DYSF: variants seen among roughly 807,000 people sequenced by gnomAD.
DYSF encodes the protein dysferlin.
In DYSF, 212 loss-of-function variants were observed where a neutral mutation model predicts 274.9. The ratio of observed to expected loss-of-function variants is 0.77; its 90% CI spans 0.69 to 0.86. The LOEUF (loss-of-function observed/expected upper bound fraction) is 0.86. Ranked by LOEUF, DYSF falls within the 40% of genes least tolerant of loss-of-function variation. The probability of loss-of-function intolerance (pLI) is 0.00; values close to 1 mark genes in which losing one functional copy is unlikely to be tolerated. For synonymous variants in DYSF, 1,091 were observed against 1,078.7 expected (o/e 1.01, Z -0.22); for missense variants, 2,666 against 2,783.2 (o/e 0.96, Z 0.95).
At chr2:71,528,521 G>C in intron 14 of DYSF, 120 bp downstream of exon 14, 1 of 854,528 alleles carries the variant, frequency 1.2e-6, no homozygotes, top group Non-Finnish European at 1.9e-6. Flanking sequence ...TGCACAAGGA[G>C]TGGCTGATCC....
Position 71,556,017 on chromosome 2 carries a change from A to C in DYSF, c.2162A>C (p.Glu721Ala). The change falls in exon 22 of 56, where the codon GAG becomes GCG. Residue 721 changes from glutamate (E) to alanine (A), a missense_variant. Around this residue, in one of 3 missense-constraint regions of DYSF, gnomAD observed 412 missense variants for 504.0 expected, o/e 0.82. Coordinates refer to ENST00000410020, the MANE Select transcript of DYSF (RefSeq NM_001130987.2). ...HLALKAQCSTEDVDSLVAQLT... is the reference protein window; with the variant it reads ...HLALKAQCSTADVDSLVAQLT... The stretch of plus-strand genomic sequence containing the variant: ...GCCCTGAAGGCGCAGTGCTCCACGG[A>C]GGACGTGGACTCGCTGGTGGCTCAG... The C allele has an allele frequency of 6.3e-7, 1 of 1,579,036 alleles. No individual in the cohort carries two copies. Among genetic ancestry groups the C allele is most frequent in the Non-Finnish European group, 8.6e-7 (1 of 1,163,114 alleles).
chr2:71,526,310 T>C lies in DYSF; in HGVS notation c.1240T>C (p.Cys414Arg). ...TGVALRGAHFCLKVFRAEDLP... is the reference protein window; with the variant it reads ...TGVALRGAHFRLKVFRAEDLP... ...CGTAGCCCTGCGAGGAGCCCACTTC[T>C]GCCTGAAGGTCTTCCGGGCCGAGGA... Residue 414 changes from cysteine (C) to arginine (R), a missense_variant, in exon 13 of 56, where the codon TGC becomes CGC. Physicochemically the swap from Cys to Arg is radical, Grantham distance 180. Transcript: ENST00000410020. The C allele has an allele frequency of 3.1e-6, 5 of 1,607,528 alleles. No individual in the cohort carries two copies. The highest frequency in any genetic ancestry group is 4.3e-6 in the Non-Finnish European group (5 of 1,176,362).
chr2:71,518,756 C>G (rs1346534172), intron 10 of DYSF, among the ~76,000 whole-genome samples: 1 of 151,788 alleles, frequency 6.6e-6, no homozygotes, highest in Non-Finnish European at 1.5e-5. Context: ...TTGGTTCTGC[C>G]TGTTGTCAGA....
intron 12 of DYSF, among the ~76,000 whole-genome samples, 186 bp downstream of exon 12, chr2:71,521,090 A>G (rs2087218631): frequency 6.6e-6 from 1 of 152,246 alleles, no homozygotes; most frequent in Non-Finnish European, 1.5e-5. Flanking sequence ...CAAGGTATTA[A>G]TAAAAAATGA....
In DYSF at chr2:71,665,245, C is replaced by T. The variant is rs564971906; in HGVS notation, c.5258C>T (p.Pro1753Leu). ...TGCCAGCAGCATAGAGTCAAGGCAC[C>T]TGTGTACCGGACAGACCGTGTAATG... ...LFCQQHRVKA[P>L]VYRTDRVMFQ... Residue 1753 changes from proline to leucine, a missense_variant, in exon 47 of 56, where the codon CCT becomes CTT. This residue lies in a region of DYSF where 1,460 missense variants were observed against 1,502.1 expected (regional missense o/e 0.97). Coordinates refer to ENST00000410020, the MANE Select transcript of DYSF (RefSeq NM_001130987.2). 6 of 1,614,142 alleles carry T rather than the reference C, an allele frequency of 3.7e-6. No homozygotes were observed. The highest frequency in any genetic ancestry group is 3.3e-5 in the South Asian group (3 of 91,074).
chr2:71,589,506 C>T (rs2093185200), intron 30 of DYSF, 87 bp from the exon 31 acceptor site: 4 of 1,032,610 alleles, frequency 3.9e-6, no homozygotes, highest in Middle Eastern at 2.6e-4. Context: ...GATCTCCTGG[C>T]CCTGGGGATC....
intron 23 of DYSF, among the ~76,000 whole-genome samples, chr2:71,562,846 G>C (rs966686536): frequency 2.6e-5 from 4 of 152,220 alleles, no homozygotes; most frequent in Admixed American, 2.6e-4. Context: ...ACTCCTCACA[G>C]TGGCAGCAGA....
intron 42 of DYSF, among the ~76,000 whole-genome samples, chr2:71,653,734 A>G (rs945132410): frequency 2.6e-4 from 39 of 151,984 alleles, no homozygotes; most frequent in Non-Finnish European, 4.0e-4. Context: ...TGGGTGCAGC[A>G]CACCAACATG....
intron 42 of DYSF, among the ~76,000 whole-genome samples, chr2:71,649,094 A>T (rs989600467): frequency 1.4e-5 from 2 of 138,644 alleles, no homozygotes; most frequent in Admixed American, 8.3e-5. Flanking sequence ...CTATGATTGC[A>T]CCACTGCACT....
intron 52 of DYSF, among the ~76,000 whole-genome samples, chr2:71,674,675 C>G (rs916481824): frequency 5.3e-5 from 8 of 152,220 alleles, no homozygotes; most frequent in African/African-American, 1.7e-4. Flanking sequence ...CAGTCTTCAT[C>G]CTTGTGCCTG....
chr2:71,478,266 C>G (rs542669465), intron 1 of DYSF, among the ~76,000 whole-genome samples: 1 of 149,162 alleles, frequency 6.7e-6, no homozygotes, highest in Non-Finnish European at 1.5e-5. Flanking sequence ...GGCTGGAGTG[C>G]AGTGGTGCCA....
intron 40 of DYSF, among the ~76,000 whole-genome samples, chr2:71,614,923 G>T (rs182880402): frequency 6.5e-4 from 99 of 152,294 alleles, no homozygotes; most frequent in African/African-American, 2.3e-3. Context: ...CCTCTGGGCT[G>T]CTTGGGTGTT....
chr2:71,656,060 C>T, intron 42 of DYSF, 102 bp from the exon 43 acceptor site: 6 of 1,420,430 alleles, frequency 4.2e-6, no homozygotes, highest in Non-Finnish European at 4.9e-6. Flanking sequence ...TATTCACTCT[C>T]ACACTGTCAT....
intron 22 of DYSF, among the ~76,000 whole-genome samples, chr2:71,560,528 C>T (rs2091668454): frequency 6.6e-6 from 1 of 150,694 alleles, no homozygotes; most frequent in African/African-American, 2.5e-5. Context: ...ACAGGGTGTG[C>T]AGTACGTGAC....
intron 1 of DYSF, among the ~76,000 whole-genome samples, chr2:71,479,853 C>T (rs924652908): frequency 6.6e-6 from 1 of 152,232 alleles, no homozygotes; most frequent in Non-Finnish European, 1.5e-5. Context: ...CAGCTTGCCT[C>T]AGATGGACTC....
chr2:71,545,738 T>C (rs1299717109), intron 17 of DYSF, among the ~76,000 whole-genome samples: 8 of 152,170 alleles, frequency 5.3e-5, no homozygotes, highest in Admixed American at 5.2e-4. Context: ...CAGCCGTGCC[T>C]ACCACCAGCC....
intron 42 of DYSF, among the ~76,000 whole-genome samples, chr2:71,652,358 T>C (rs2094681007): frequency 6.6e-6 from 1 of 152,222 alleles, no homozygotes; most frequent in Admixed American, 6.5e-5. Flanking sequence ...TCTGACTGAC[T>C]TGCTTACCAC....
Position 71,528,205 on chromosome 2 carries a change from A to G in DYSF, c.1277-93A>G, listed in dbSNP as rs1477296255. On this transcript the variant is annotated intron_variant, in intron 13 of 55. Coordinates refer to ENST00000410020, the MANE Select transcript of DYSF (RefSeq NM_001130987.2). ...AGGGGCCAAAGCTTCTTGCTCAGGT[A>G]GTCCCAGGACTGCCTGGAGACAGAT... 8.9e-6 allele frequency: 10 copies of G among 1,117,788 alleles called. No individual in the cohort carries two copies. In the African/African-American group the frequency reaches 1.5e-4, roughly 17 times the overall value. The allele number at this position is 1,117,788 out of a possible 1,614,324, so 69.2% of individuals were successfully genotyped here.
chr2:71,612,869 T>C lies in DYSF; in HGVS notation c.4387+63T>C, dbSNP rs1287620793. 6 of 1,554,544 alleles carry C rather than the reference T, an allele frequency of 3.9e-6. No homozygotes were observed. In the African/African-American group the frequency reaches 5.4e-5, roughly 14 times the overall value. On this transcript the variant is annotated intron_variant, in intron 39 of 55. Transcript: ENST00000410020. ...GGGAGCCTCAGGGCCAAGCTACCCT[T>C]CCTAGTTGAGATGCATCCTGAAACC...
Sources: gnomAD v4.1 joint callset for allele counts (sites outside exome capture counted in the v4.1 genomes callset) on GRCh38, gnomAD v4.1.1 for gene constraint, gnomAD v4.1.1 regional missense constraint, MANE v1.5 for transcripts, NCBI Gene and HGNC (gene_info 2026-07-23, HGNC 2026-07-21) for gene names.